COL6A5: variants seen among roughly 807,000 people sequenced by gnomAD.
COL6A5 encodes the protein collagen alpha-5(VI) chain.
In COL6A5, 48 loss-of-function variants were observed where a neutral mutation model predicts 65.6. The observed-to-expected ratio is 0.73, with a 90% CI of 0.58 to 0.93. The LOEUF (loss-of-function observed/expected upper bound fraction) is 0.93. Ranked by LOEUF, COL6A5 falls within the 40% of genes least tolerant of loss-of-function variation. The pLI is 0.00. For missense variants in COL6A5, 914 were observed against 928.3 expected, an observed-to-expected ratio of 0.98 and a Z score of 0.20; for synonymous variants, 291 against 322.8, an observed-to-expected ratio of 0.90 and a Z score of 1.05.
At chr3:130,347,625 C>T (rs1379440314) in intron 1 of COL6A5, among the ~76,000 whole-genome samples, 1 of 152,258 alleles carries the variant, frequency 6.6e-6, no homozygotes, top group Non-Finnish European at 1.5e-5. Context: ...GTAAGGCTGA[C>T]ACATATGTCT....
At chr3:130,388,991 T>G in exon 6 of COL6A5, 1 of 1,548,796 alleles carries the variant, frequency 6.5e-7, no homozygotes, top group East Asian at 2.4e-5. Context: ...GATGTGACCA[T>G]CTTCTCTGTA....
At chr3:130,347,997 T>A (rs1434572694) in intron 1 of COL6A5, among the ~76,000 whole-genome samples, 4 of 152,202 alleles carry the variant, frequency 2.6e-5, no homozygotes. Flanking sequence ...GCCCCATCAA[T>A]CCCTGGTGCT....
chr3:130,390,899 A>G (rs886861175), intron 6 of COL6A5, among the ~76,000 whole-genome samples: 3 of 152,174 alleles, frequency 2.0e-5, no homozygotes, highest in Non-Finnish European at 2.9e-5. Flanking sequence ...TCCTAATGAG[A>G]TATATCAAAA....
intron 1 of COL6A5, among the ~76,000 whole-genome samples, chr3:130,358,641 T>A (rs947575811): frequency 2.0e-5 from 3 of 152,182 alleles, no homozygotes; most frequent in Non-Finnish European, 4.4e-5. Flanking sequence ...TGTGGTAATG[T>A]GGAATTTTTT....
At chr3:130,356,403 A>G (rs997422930) in intron 1 of COL6A5, among the ~76,000 whole-genome samples, 6 of 152,190 alleles carry the variant, frequency 3.9e-5, no homozygotes. Context: ...TAGACTAATA[A>G]TGAACTCTAT....
chr3:130,432,959 A>G (rs1937883424), intron 1 of COL6A5, among the ~76,000 whole-genome samples: 1 of 152,186 alleles, frequency 6.6e-6, no homozygotes, highest in Non-Finnish European at 1.5e-5. Flanking sequence ...CAGATTATCC[A>G]TAAAATACAT....
intron 2 of COL6A5, among the ~76,000 whole-genome samples, chr3:130,374,423 G>A (rs1935687165): frequency 6.6e-6 from 1 of 152,110 alleles, no homozygotes; most frequent in African/African-American, 2.4e-5. Context: ...CAGCTATGAT[G>A]TCATTAGGTG....
At position 130,362,255 on chromosome 3, in the gene COL6A5, T is replaced by TCTCTCTCTCTCTCTCC. The variant is rs1316904467; in HGVS notation, c.-28-11341_-28-11340insCCTCTCTCTCTCTCTC. 3.6e-5 allele frequency among the ~76,000 whole-genome samples: 5 copies of TCTCTCTCTCTCTCTCC among 140,548 alleles called. No individual in the cohort carries two copies. The East Asian group carries it at 1.1e-3, about 31-fold the overall frequency. The allele number at this position is 140,548 out of a possible 152,430, so 92.2% of individuals were successfully genotyped here. On this transcript the variant is annotated intron_variant and NMD_transcript_variant, in intron 1 of 41. Coordinates refer to the COL6A5 transcript ENST00000312481. Reference sequence around the variant, plus strand: ...TTGGGAAGGGTGTAAGGTTTCTTTCTCTCTCTCTCTCTCTCTTTGTCTCTG... The same window carrying TCTCTCTCTCTCTCTCC: ...TTGGGAAGGGTGTAAGGTTTCTTTCTCTCTCTCTCTCTCTCCCTCTCTCTCTCTCTCTTTGTCTCTG...
chr3:130,416,781 A>G (rs1937356437), exon 24 of COL6A5: 1 of 1,536,596 alleles, frequency 6.5e-7, no homozygotes, highest in Non-Finnish European at 8.8e-7. Context: ...AATGGGAGCT[A>G]AAGGGAGCAC....
chr3:130,382,484 G>T (rs1451227928), intron 4 of COL6A5, among the ~76,000 whole-genome samples: 1 of 141,442 alleles, frequency 7.1e-6, no homozygotes, highest in African/African-American at 2.7e-5. Flanking sequence ...TTTAAACTTA[G>T]AGTCTTTTGA....
intron 3 of COL6A5, among the ~76,000 whole-genome samples, chr3:130,377,199 T>C (rs1198536661): frequency 6.6e-6 from 1 of 152,148 alleles, no homozygotes; most frequent in Non-Finnish European, 1.5e-5. Flanking sequence ...GTGTTTGTCC[T>C]CCTTCCCTTC....
Position 130,391,486 on chromosome 3 carries a change from T to C in COL6A5, c.2724T>C (p.His908=), listed in dbSNP as rs188039082. The C allele has an allele frequency of 3.9e-4, 607 of 1,551,724 alleles. 3 individuals carry two copies. The African/African-American group carries it at 5.7e-3, about 14-fold the overall frequency. Residue 908 remains histidine, a synonymous_variant and NMD_transcript_variant, in exon 7 of 42, where the codon CAT becomes CAC. Transcript: ENST00000312481. Reference sequence around the variant, plus strand: ...CAAATGCCCTGTTTACAGAGGAACATGGCAGCCGCATCAAGCAAAATGTGA... The same window carrying C: ...CAAATGCCCTGTTTACAGAGGAACACGGCAGCCGCATCAAGCAAAATGTGA...
chr3:130,478,364 C>G (rs1048583842), intron 7 of COL6A5, among the ~76,000 whole-genome samples: 7 of 152,058 alleles, frequency 4.6e-5, no homozygotes, highest in Non-Finnish European at 8.8e-5. Flanking sequence ...TGAGAAGTCA[C>G]CTGATTGCTC....
chr3:130,415,621 G>GT (rs1559890114), intron 22 of COL6A5, 24 bp from the exon 23 acceptor site: 4 of 1,532,300 alleles, frequency 2.6e-6, no homozygotes, highest in Non-Finnish European at 3.5e-6. Flanking sequence ...TAATTGCATT[G>GT]TATTTCCTTT....
At chr3:130,484,179 T>G in exon 8 of COL6A5, 1 of 826,510 alleles carries the variant, frequency 1.2e-6, no homozygotes. Context: ...AACAATTGGC[T>G]AATAGCATGC....
intron 1 of COL6A5, among the ~76,000 whole-genome samples, chr3:130,432,807 A>G (rs1559900676): frequency 6.6e-6 from 1 of 152,116 alleles, no homozygotes; most frequent in Non-Finnish European, 1.5e-5. Flanking sequence ...GGTGCAAAAC[A>G]TTTGATGTAT....
intron 13 of COL6A5, 102 bp downstream of exon 13, chr3:130,403,764 T>G: frequency 1.2e-6 from 1 of 863,300 alleles, no homozygotes; most frequent in South Asian, 3.3e-5. Context: ...TAAAAAAAGC[T>G]TATTTTCATA....
chr3:130,375,708 A>G (rs550672714), intron 2 of COL6A5, among the ~76,000 whole-genome samples: 95 of 152,234 alleles, frequency 6.2e-4, no homozygotes, highest in Non-Finnish European at 1.1e-3. Context: ...CAAAATTACA[A>G]TCATGGCAGA....
Position 130,409,383 on chromosome 3 carries a change from G to A in COL6A5, c.4537G>A (p.Asp1513Asn), listed in dbSNP as rs559540073. 4 of 1,548,806 alleles carry A rather than the reference G, an allele frequency of 2.6e-6. No individual in the cohort carries two copies. The African/African-American group carries it at 5.5e-5, about 21-fold the overall frequency. ...GTATGGAGAGAAGGGCTTCCCAGGG[G>A]ATCCGGTAAGTTTCTAGGGCCCAGT... Residue 1513 changes from aspartate (D) to asparagine (N), a missense_variant and NMD_transcript_variant, in exon 18 of 42, where the codon GAT becomes AAT. By Grantham distance (23) the Asp-to-Asn change is conservative. Transcript: ENST00000312481.
Sources: gnomAD v4.1 joint callset for allele counts (sites outside exome capture counted in the v4.1 genomes callset) on GRCh38, gnomAD v4.1.1 for gene constraint, MANE v1.5 for transcripts, NCBI Gene and HGNC (gene_info 2026-07-23, HGNC 2026-07-21) for gene names.